The following SLC38A12 variants were observed in gnomAD, a reference collection of about 807,000 sequenced individuals.
SLC38A12 encodes the protein solute carrier family 38 member 12.
chr17:74,794,080 A>G, the SLC38A12 span, among the ~76,000 whole-genome samples: 8 of 152,136 alleles, frequency 5.3e-5, no homozygotes, highest in Non-Finnish European at 1.5e-5. Flanking sequence ...AAGGGTGGAG[A>G]CTGGTTGTCT....
the SLC38A12 span, among the ~76,000 whole-genome samples, chr17:74,831,070 C>T: frequency 2.6e-5 from 4 of 152,328 alleles, no homozygotes; most frequent in South Asian, 2.1e-4. Flanking sequence ...CCTATAGGGT[C>T]GGAACGGCTC....
the SLC38A12 span, chr17:74,785,593 G>A: frequency 6.2e-7 from 1 of 1,613,702 alleles, no homozygotes; most frequent in Non-Finnish European, 8.5e-7. Context: ...GGTGTTCCTG[G>A]GCTTCATGAG....
the SLC38A12 span, among the ~76,000 whole-genome samples, chr17:74,795,984 C>G: frequency 6.6e-6 from 1 of 152,158 alleles, no homozygotes; most frequent in African/African-American, 2.4e-5. Flanking sequence ...CCGAAACTTT[C>G]CATATTTTGA....
chr17:74,792,295 A>G, the SLC38A12 span, among the ~76,000 whole-genome samples: 2 of 152,044 alleles, frequency 1.3e-5, no homozygotes, highest in African/African-American at 2.4e-5. Flanking sequence ...AAGTAAAAAT[A>G]TGAAAATTAG....
the SLC38A12 span, among the ~76,000 whole-genome samples, chr17:74,794,800 G>A: frequency 6.6e-6 from 1 of 152,162 alleles, no homozygotes; most frequent in Admixed American, 6.5e-5. Flanking sequence ...AAAGTCATGA[G>A]CCGATCTGTC....
chr17:74,823,055 C>T, the SLC38A12 span, among the ~76,000 whole-genome samples: 2 of 152,172 alleles, frequency 1.3e-5, no homozygotes, highest in South Asian at 2.1e-4. Context: ...GTTGTCAGTT[C>T]GCCACAAACT....
chr17:74,833,612 G>C, the SLC38A12 span, among the ~76,000 whole-genome samples: 2 of 152,362 alleles, frequency 1.3e-5, no homozygotes, highest in African/African-American at 4.8e-5. Context: ...GTCCAGGGCA[G>C]GAGAGAGCAG....
At chr17:74,802,555 T>C in the SLC38A12 span, among the ~76,000 whole-genome samples, 3 of 152,192 alleles carry the variant, frequency 2.0e-5, no homozygotes, top group African/African-American at 7.2e-5. Context: ...CTGGCCCTGG[T>C]AGAATGTGCA....
the SLC38A12 span, among the ~76,000 whole-genome samples, chr17:74,780,015 T>C: frequency 6.6e-6 from 1 of 152,218 alleles, no homozygotes; most frequent in African/African-American, 2.4e-5. Context: ...TCCCCATTTA[T>C]GAGGACCGAG....
At chr17:74,804,259 A>G in the SLC38A12 span, among the ~76,000 whole-genome samples, 1 of 152,254 alleles carries the variant, frequency 6.6e-6, no homozygotes, top group African/African-American at 2.4e-5. Flanking sequence ...TAAATAAAGC[A>G]CTCACTCAAA....
the SLC38A12 span, among the ~76,000 whole-genome samples, chr17:74,804,795 G>A: frequency 4.6e-5 from 7 of 152,232 alleles, no homozygotes; most frequent in African/African-American, 9.6e-5. Flanking sequence ...GGCTGAGGCC[G>A]GGAGGCCCCT....
chr17:74,838,156 C>T, the SLC38A12 span: 1 of 985,714 alleles, frequency 1.0e-6, no homozygotes, highest in Non-Finnish European at 1.2e-6. Flanking sequence ...CTGGGAGAGT[C>T]CCTGCGTGGT....
chr17:74,838,990 C>T, the SLC38A12 span: 5 of 1,535,780 alleles, frequency 3.3e-6, no homozygotes, highest in Middle Eastern at 3.3e-4. Context: ...TCAACAGCCT[C>T]TACCCAACAT....
the SLC38A12 span, among the ~76,000 whole-genome samples, chr17:74,786,049 C>T: frequency 1.3e-5 from 2 of 152,200 alleles, no homozygotes; most frequent in African/African-American, 4.8e-5. Context: ...AGGTAATTCA[C>T]GAAGTAGGTG....
the SLC38A12 span, among the ~76,000 whole-genome samples, chr17:74,806,500 T>C: frequency 6.6e-6 from 1 of 152,292 alleles, no homozygotes; most frequent in African/African-American, 2.4e-5. Context: ...GCCACGCCTG[T>C]AGTGCCCAGA....
chr17:74,779,109 C>T, the SLC38A12 span, among the ~76,000 whole-genome samples: 3 of 152,308 alleles, frequency 2.0e-5, no homozygotes, highest in African/African-American at 7.2e-5. Context: ...CACCACGGCT[C>T]CTGCTTTTTC....
chr17:74,820,993 G>C, the SLC38A12 span, among the ~76,000 whole-genome samples: 1 of 152,202 alleles, frequency 6.6e-6, no homozygotes, highest in African/African-American at 2.4e-5. Context: ...TCTTTAGTTG[G>C]AAGGGGCCAC....
chr17:74,802,759 G>A, the SLC38A12 span, among the ~76,000 whole-genome samples: 1 of 152,252 alleles, frequency 6.6e-6, no homozygotes, highest in South Asian at 2.1e-4. Context: ...GAGCATTTCA[G>A]GTGTTGGAAT....
At chr17:74,776,896 G>A in the SLC38A12 span, among the ~76,000 whole-genome samples, 26 of 152,304 alleles carry the variant, frequency 1.7e-4, no homozygotes, top group South Asian at 5.4e-3. Context: ...TCCCATGTGT[G>A]GTAGTGAGCT....
Sources: gnomAD v4.1 joint callset for allele counts (sites outside exome capture counted in the v4.1 genomes callset) on GRCh38, gnomAD v4.1.1 for gene constraint, MANE v1.5 for transcripts, NCBI Gene and HGNC (gene_info 2026-07-23, HGNC 2026-07-21) for gene names.